Variants in FILIP1L observed in about 807,000 individuals in gnomAD.
The protein encoded by FILIP1L is filamin A-interacting protein 1-like.
In FILIP1L, 55 loss-of-function variants were observed where a neutral mutation model predicts 96.6. The ratio of observed to expected loss-of-function variants is 0.57; its 90% CI spans 0.46 to 0.71. The LOEUF is 0.71. Ranked by LOEUF, FILIP1L falls within the 30% of genes least tolerant of loss-of-function variation. FILIP1L has a pLI of 0.00. For missense variants in FILIP1L, 1,304 were observed against 1,321.2 expected (o/e 0.99, Z 0.20); for synonymous variants, 467 against 473.9 (o/e 0.99, Z 0.19).
intron 1 of FILIP1L, among the ~76,000 whole-genome samples, chr3:99,958,133 A>G (rs374820630): frequency 6.7e-6 from 1 of 149,644 alleles, no homozygotes; most frequent in African/African-American, 2.5e-5. Flanking sequence ...GGTTTGTTAC[A>G]TAGGTGAATC....
chr3:99,915,363 C>T (rs987128350), intron 4 of FILIP1L, among the ~76,000 whole-genome samples: 19 of 152,218 alleles, frequency 1.2e-4, no homozygotes, highest in African/African-American at 4.3e-4. Flanking sequence ...CAAAATATAT[C>T]AAAAGTAAGC....
chr3:100,047,462 A>T (rs890063380), intron 1 of FILIP1L, among the ~76,000 whole-genome samples: 5 of 152,230 alleles, frequency 3.3e-5, no homozygotes, highest in Non-Finnish European at 2.9e-5. Flanking sequence ...CTAAAGTATC[A>T]TGTCCTCCTT....
chr3:99,837,364 T>G (rs1942943659), intron 5 of FILIP1L, among the ~76,000 whole-genome samples: 2 of 150,980 alleles, frequency 1.3e-5, no homozygotes, highest in African/African-American at 4.9e-5. Context: ...TCAGGCACAG[T>G]GAATTCAGGC....
rs547407141 is a variant in FILIP1L, at chr3:99,849,721, G to A, written c.1955C>T (p.Thr652Ile). Residue 652 changes from threonine (T) to isoleucine (I), a missense_variant, in exon 5 of 6, where the codon ACA (threonine) becomes ATA (isoleucine). Transcript: ENST00000477258. The part of the protein sequence containing the change: ...MKAIEDDLMK[T>I]EDEYETLERR... Reference sequence around the variant, plus strand: ...TTCTAGAGTCTCATATTCATCTTCTGTTTTCATGAGGTCATCCTCAATGGC... The same window carrying A: ...TTCTAGAGTCTCATATTCATCTTCTATTTTCATGAGGTCATCCTCAATGGC... The A allele has an allele frequency of 6.5e-5, 105 of 1,613,482 alleles. No individual in the cohort carries two copies. The highest frequency in any genetic ancestry group is 1.7e-5 in the Admixed American group (1 of 59,976).
At chr3:99,972,581 G>T (rs1436086576) in intron 1 of FILIP1L, among the ~76,000 whole-genome samples, 1 of 152,156 alleles carries the variant, frequency 6.6e-6, no homozygotes, top group South Asian at 2.1e-4. Context: ...ATTCTTTCCA[G>T]AGTAAATAAC....
intron 4 of FILIP1L, among the ~76,000 whole-genome samples, chr3:99,869,117 A>G (rs942108870): frequency 6.6e-6 from 1 of 152,214 alleles, no homozygotes; most frequent in Non-Finnish European, 1.5e-5. Flanking sequence ...GAATGGAAGA[A>G]GGACAAGTAG....
At chr3:99,902,291 A>G (rs545484382) in intron 4 of FILIP1L, among the ~76,000 whole-genome samples, 36 of 152,314 alleles carry the variant, frequency 2.4e-4, no homozygotes, top group Non-Finnish European at 1.9e-4. Flanking sequence ...AACAGTTTCT[A>G]TTACACCCAG....
intron 4 of FILIP1L, among the ~76,000 whole-genome samples, chr3:99,881,103 T>C (rs566659809): frequency 9.2e-5 from 14 of 152,266 alleles, no homozygotes; most frequent in African/African-American, 3.1e-4. Context: ...TAATAAGGAA[T>C]CATCTGTTGG....
At chr3:99,946,720 C>T (rs1459715001) in intron 1 of FILIP1L, among the ~76,000 whole-genome samples, 3 of 152,206 alleles carry the variant, frequency 2.0e-5, no homozygotes, top group Non-Finnish European at 2.9e-5. Context: ...GTGGTGGCTA[C>T]ATCTGGAGGC....
intron 1 of FILIP1L, among the ~76,000 whole-genome samples, chr3:99,932,621 G>C (rs906129099): frequency 1.3e-5 from 2 of 152,134 alleles, no homozygotes; most frequent in African/African-American, 4.8e-5. Context: ...CAGGCACAAT[G>C]GCTCACACCT....
intron 5 of FILIP1L, among the ~76,000 whole-genome samples, chr3:99,847,767 T>C (rs1306036536): frequency 6.6e-6 from 1 of 152,196 alleles, no homozygotes; most frequent in Non-Finnish European, 1.5e-5. Context: ...GAACCACTTT[T>C]CTCTCCTCTA....
At chr3:100,105,190 T>C (rs2066373671) in intron 1 of FILIP1L, among the ~76,000 whole-genome samples, 1 of 152,184 alleles carries the variant, frequency 6.6e-6, no homozygotes, top group Non-Finnish European at 1.5e-5. Context: ...TTCTGGCCTG[T>C]TGACAAGGCT....
At chr3:100,064,839 A>G (rs2065635637) in intron 1 of FILIP1L, among the ~76,000 whole-genome samples, 1 of 146,704 alleles carries the variant, frequency 6.8e-6, no homozygotes, top group Non-Finnish European at 1.5e-5. Context: ...ATTTCCACAC[A>G]GTAAAAAGAT....
intron 1 of FILIP1L, among the ~76,000 whole-genome samples, chr3:99,995,615 G>A (rs565120791): frequency 4.1e-4 from 63 of 152,282 alleles, no homozygotes; most frequent in African/African-American, 1.2e-3. Flanking sequence ...CTCTATGAGC[G>A]CCCTTCCCCT....
intron 1 of FILIP1L, among the ~76,000 whole-genome samples, chr3:99,955,193 C>G (rs557003555): frequency 1.3e-5 from 2 of 152,224 alleles, no homozygotes; most frequent in South Asian, 4.1e-4. Flanking sequence ...TATTAAGAAC[C>G]TGCAGGTCAG....
chr3:100,078,901 GA>G (rs1279357615), intron 1 of FILIP1L, among the ~76,000 whole-genome samples: 3 of 151,808 alleles, frequency 2.0e-5, no homozygotes, highest in Non-Finnish European at 2.9e-5. Context: ...AAAAAAAACG[GA>G]AAAAAAGATT....
intron 1 of FILIP1L, among the ~76,000 whole-genome samples, chr3:100,036,470 A>G (rs2065110368): frequency 6.6e-6 from 1 of 152,220 alleles, no homozygotes; most frequent in Admixed American, 6.5e-5. Flanking sequence ...ATAAAATGGA[A>G]GGTGACCCAT....
rs1357755129 is a variant in FILIP1L, at chr3:99,829,781, T to C, written c.*633A>G. ...ATATCTCAATGTTACTGAGACTAAG[T>C]GCCAGTGGTCAGGTATGCTTACTAC... On this transcript the variant is annotated 3_prime_UTR_variant, in exon 6 of 6. Coordinates refer to ENST00000477258, the MANE Select transcript of FILIP1L (RefSeq NM_001387850.1). Among the ~76,000 whole-genome samples the C allele has an allele frequency of 6.6e-6, 1 of 152,218 alleles. No homozygotes were observed. The highest frequency in any genetic ancestry group is 1.5e-5 in the Non-Finnish European group (1 of 68,038).
intron 4 of FILIP1L, among the ~76,000 whole-genome samples, chr3:99,886,207 T>G (rs754039943): frequency 6.6e-6 from 1 of 151,800 alleles, no homozygotes; most frequent in Non-Finnish European, 1.5e-5. Context: ...GTTGAATACC[T>G]TCTGTGTGTT....
Sources: allele counts gnomAD v4.1 joint callset (sites outside exome capture counted in the v4.1 genomes callset), GRCh38; gene constraint gnomAD v4.1.1; transcripts MANE v1.5; gene names NCBI Gene and HGNC (gene_info 2026-07-23, HGNC 2026-07-21).